DIAPH3: variants seen among roughly 807,000 people sequenced by gnomAD.
The protein encoded by DIAPH3 is diaphanous related formin 3.
Under a neutral mutation model 144.3 loss-of-function variants are expected in DIAPH3, and 117 were observed. That is an observed-to-expected ratio of 0.81 (90% CI 0.70 to 0.95). The LOEUF is 0.95. Among genes scored for constraint, DIAPH3 ranks in the 40% least tolerant of loss-of-function variants. DIAPH3 has a pLI of 0.00. For missense variants in DIAPH3, 1,421 were observed against 1,412.7 expected (o/e 1.01, Z -0.09); for synonymous variants, 519 against 488.9 (o/e 1.06, Z -0.81).
At chr13:59,751,217 G>C (rs1410534519) in intron 27 of DIAPH3, among the ~76,000 whole-genome samples, 1 of 152,248 alleles carries the variant, frequency 6.6e-6, no homozygotes, top group Non-Finnish European at 1.5e-5. Flanking sequence ...ATAGGGCTTT[G>C]GCTGAGAAGA....
chr13:59,851,082 A>G (rs895351145), intron 22 of DIAPH3, among the ~76,000 whole-genome samples: 2 of 151,488 alleles, frequency 1.3e-5, no homozygotes, highest in Non-Finnish European at 2.9e-5. Flanking sequence ...AAAAAAGAGA[A>G]TTTTAGACCA....
intron 2 of DIAPH3, among the ~76,000 whole-genome samples, chr13:60,125,196 C>T (rs765960271): frequency 2.6e-5 from 4 of 152,024 alleles, no homozygotes; most frequent in Non-Finnish European, 5.9e-5. Flanking sequence ...TTAGCAACCA[C>T]AATTCCCTAG....
intron 2 of DIAPH3, among the ~76,000 whole-genome samples, chr13:60,127,535 T>C (rs1337763503): frequency 6.6e-6 from 1 of 151,860 alleles, no homozygotes; most frequent in Non-Finnish European, 1.5e-5. Context: ...TGTACTCAAA[T>C]GCTCATAGCA....
In DIAPH3 at chr13:59,908,265, T is replaced by A. The variant is rs2046829648; in HGVS notation, c.2367+3470A>T. Among the ~76,000 whole-genome samples the A allele has an allele frequency of 2.1e-5, 3 of 145,816 alleles. No homozygotes were observed. The South Asian group carries it at 6.4e-4, about 31-fold the overall frequency. On this transcript the variant is annotated intron_variant, in intron 20 of 27. Transcript: ENST00000400324. ...TGCACCAAGCTGTAGTTCCAGCTAC[T>A]AAGGTAGCTGAGGCAGGGGAATCGC... is the stretch of plus-strand genomic sequence containing the variant.
chr13:59,844,371 G>A (rs2042511661), intron 22 of DIAPH3, among the ~76,000 whole-genome samples: 1 of 151,778 alleles, frequency 6.6e-6, no homozygotes, highest in African/African-American at 2.4e-5. Flanking sequence ...AGGCGTGGTG[G>A]CGAGCGCCTG....
intron 22 of DIAPH3, 139 bp from the exon 23 acceptor site, chr13:59,839,587 C>A: frequency 2.5e-6 from 2 of 813,964 alleles, no homozygotes; most frequent in South Asian, 2.5e-5. Flanking sequence ...ATAAATTTCA[C>A]TTTTAACCTT....
intron 22 of DIAPH3, among the ~76,000 whole-genome samples, chr13:59,845,034 T>C (rs1311091028): frequency 2.5e-5 from 2 of 81,406 alleles, no homozygotes; most frequent in Non-Finnish European, 4.8e-5. Context: ...TGAGACACCA[T>C]TTTTTTCCTT....
intron 20 of DIAPH3, among the ~76,000 whole-genome samples, chr13:59,907,053 G>A (rs1039888927): frequency 2.0e-5 from 3 of 152,186 alleles, no homozygotes; most frequent in African/African-American, 7.2e-5. Flanking sequence ...AGGTGTTGGG[G>A]ATAAACAGGG....
chr13:59,862,746 G>T (rs2043673642), intron 21 of DIAPH3, among the ~76,000 whole-genome samples: 1 of 151,952 alleles, frequency 6.6e-6, no homozygotes, highest in Non-Finnish European at 1.5e-5. Flanking sequence ...CCCCTAAGAA[G>T]TTTTTAGGCA....
intron 25 of DIAPH3, among the ~76,000 whole-genome samples, chr13:59,805,697 A>C (rs948026538): frequency 6.6e-6 from 1 of 152,016 alleles, no homozygotes; most frequent in Non-Finnish European, 1.5e-5. Flanking sequence ...AAAAAAAATG[A>C]GAAAACAAAA....
chr13:59,723,475 ATG>A (rs904907137), intron 27 of DIAPH3, among the ~76,000 whole-genome samples: 12 of 151,924 alleles, frequency 7.9e-5, no homozygotes, highest in Admixed American at 7.2e-4. Context: ...GTGTGTGTGT[ATG>A]TGTGTGCGTG....
At chr13:60,081,452 AC>A in intron 4 of DIAPH3, among the ~76,000 whole-genome samples, 2 of 152,006 alleles carry the variant, frequency 1.3e-5, no homozygotes, top group Non-Finnish European at 2.9e-5. Flanking sequence ...TTGTTTTTTA[AC>A]CAAAGACATA....
intron 27 of DIAPH3, among the ~76,000 whole-genome samples, chr13:59,710,990 G>A (rs1246383481): frequency 6.6e-6 from 1 of 152,090 alleles, no homozygotes; most frequent in Non-Finnish European, 1.5e-5. Flanking sequence ...ATGCACCCTG[G>A]CCAAGAAGCG....
intron 27 of DIAPH3, among the ~76,000 whole-genome samples, chr13:59,723,084 T>C (rs778634447): frequency 1.3e-5 from 2 of 152,084 alleles, no homozygotes; most frequent in Non-Finnish European, 2.9e-5. Flanking sequence ...TTCAGAATAA[T>C]GTTCAGGGAC....
rs937751371 is a variant in DIAPH3 at position 59,847,799 on chromosome 13, C to A, written c.2738-8351G>T. 4.6e-5 allele frequency among the ~76,000 whole-genome samples: 7 copies of A among 152,202 alleles called. No homozygotes were observed. The East Asian group carries it at 1.4e-3, about 29-fold the overall frequency. On this transcript the variant is annotated intron_variant, in intron 22 of 27. Transcript: ENST00000400324. ...GGAGACCAGGTCAGCCTCACAATTC[C>A]AAGATTGTGTATTAGCTGGACTTCA...
At chr13:59,861,185 A>G (rs1408108568) in intron 22 of DIAPH3, 9 of 1,412,008 alleles carry the variant, frequency 6.4e-6, no homozygotes, top group Non-Finnish European at 8.4e-6. Context: ...AAAACAAAGT[A>G]TTTTATAATA....
chr13:59,705,764 TG>T (rs1347265716), intron 27 of DIAPH3, among the ~76,000 whole-genome samples: 1 of 152,194 alleles, frequency 6.6e-6, no homozygotes, highest in Non-Finnish European at 1.5e-5. Flanking sequence ...ACTAGTATAT[TG>T]GGAATATAGG....
At chr13:59,900,478 A>G (rs2046368609) in intron 20 of DIAPH3, among the ~76,000 whole-genome samples, 1 of 152,204 alleles carries the variant, frequency 6.6e-6, no homozygotes, top group Non-Finnish European at 1.5e-5. Flanking sequence ...ACAAACTGCA[A>G]TAGTGTTATA....
chr13:59,750,343 A>G (rs756518933), intron 27 of DIAPH3, among the ~76,000 whole-genome samples: 2 of 152,198 alleles, frequency 1.3e-5, no homozygotes. Flanking sequence ...GGAGGATATA[A>G]TAGTATAAAT....
Sources: allele counts gnomAD v4.1 joint callset (sites outside exome capture counted in the v4.1 genomes callset), GRCh38; gene constraint gnomAD v4.1.1; transcripts MANE v1.5; gene names NCBI Gene and HGNC (gene_info 2026-07-23, HGNC 2026-07-21).